Variants in LGR5 observed in about 807,000 individuals in gnomAD.
LGR5 encodes leucine rich repeat containing G protein-coupled receptor 5.
Under a neutral mutation model 76.7 loss-of-function variants are expected in LGR5, and 54 were observed. That is an observed-to-expected ratio of 0.70 (90% CI 0.57 to 0.88). The LOEUF (loss-of-function observed/expected upper bound fraction) is 0.88. LGR5 is among the 40% of genes least tolerant of loss of function. The pLI, the probability that LGR5 is intolerant of heterozygous loss-of-function variation, is 0.00. For synonymous variants in LGR5, 406 were observed against 421.9 expected, an observed-to-expected ratio of 0.96 and a Z score of 0.46; for missense variants, 1,078 against 1,073.3, an observed-to-expected ratio of 1.00 and a Z score of -0.06.
intron 2 of LGR5, among the ~76,000 whole-genome samples, chr12:71,518,542 T>G (rs930325261): frequency 6.6e-6 from 1 of 152,132 alleles, no homozygotes; most frequent in Non-Finnish European, 1.5e-5. Context: ...TAAAGACACA[T>G]GAATGCATAT....
rs527945249 is a variant in LGR5, at chr12:71,502,553, C to T, written c.213-2061C>T. 2.6e-5 allele frequency among the ~76,000 whole-genome samples: 4 copies of T among 152,118 alleles called. No homozygotes were observed. In the East Asian group the frequency reaches 7.7e-4, roughly 29 times the overall value. Reference sequence around the variant, plus strand: ...GTCACTCCCTTTTGATTGGAAATGGCTAATCATAGGGTCTCAAGCTATTAA... The same window carrying T: ...GTCACTCCCTTTTGATTGGAAATGGTTAATCATAGGGTCTCAAGCTATTAA... On this transcript the variant is annotated intron_variant, in intron 1 of 17. Coordinates refer to ENST00000266674, the MANE Select transcript of LGR5 (RefSeq NM_003667.4).
intron 13 of LGR5, among the ~76,000 whole-genome samples, chr12:71,576,563 T>G (rs1158361004): frequency 6.6e-6 from 1 of 152,152 alleles, no homozygotes; most frequent in East Asian, 1.9e-4. Flanking sequence ...GGATGCAGCC[T>G]GCAGGATCAG....
At chr12:71,549,285 G>A (rs1239654774) in intron 4 of LGR5, among the ~76,000 whole-genome samples, 2 of 118,780 alleles carry the variant, frequency 1.7e-5, no homozygotes, top group South Asian at 2.8e-4. Flanking sequence ...GTCGCCAGGG[G>A]CTGGGAGTGG....
chr12:71,476,842 A>G (rs1352607685), intron 1 of LGR5, among the ~76,000 whole-genome samples: 4 of 152,216 alleles, frequency 2.6e-5, no homozygotes, highest in African/African-American at 4.8e-5. Context: ...TCAGGTTGGC[A>G]TGGATTAGAA....
chr12:71,524,623 T>G, intron 3 of LGR5, 146 bp downstream of exon 3: 4 of 504,636 alleles, frequency 7.9e-6, no homozygotes, highest in Non-Finnish European at 1.4e-5. Flanking sequence ...ATTGGTACCA[T>G]ACAGCCATAT....
intron 4 of LGR5, among the ~76,000 whole-genome samples, chr12:71,550,258 C>G (rs1877410140): frequency 6.6e-6 from 1 of 151,280 alleles, no homozygotes; most frequent in Non-Finnish European, 1.5e-5. Flanking sequence ...TCAAGCAATT[C>G]TCGTGCCTCA....
chr12:71,520,620 G>GA (rs1374147793), intron 2 of LGR5, among the ~76,000 whole-genome samples: 3 of 145,956 alleles, frequency 2.1e-5, no homozygotes, highest in Non-Finnish European at 3.0e-5. Flanking sequence ...CACAAGAAGA[G>GA]AAAATCAAAC....
At position 71,504,610 on chromosome 12, in the gene LGR5, C is replaced by A. The variant is rs111572541; in HGVS notation, c.213-4C>A. The A allele has an allele frequency of 7.3e-5, 118 of 1,613,608 alleles. No homozygotes were observed. The highest frequency in any genetic ancestry group is 2.9e-4 in the East Asian group (13 of 44,884). On this transcript the variant is annotated splice_region_variant and splice_polypyrimidine_tract_variant and intron_variant, in intron 1 of 17. Coordinates refer to ENST00000266674, the MANE Select transcript of LGR5 (RefSeq NM_003667.4). ...CCTCACACGCTGTCTGTTTTCCCCC[C>A]CAGAGACCTCAGTATGAACAACATC...
intron 1 of LGR5, among the ~76,000 whole-genome samples, chr12:71,481,909 C>T (rs1465450875): frequency 6.6e-6 from 1 of 152,086 alleles, no homozygotes; most frequent in Non-Finnish European, 1.5e-5. Context: ...ACATAACAGA[C>T]ACTCAATGAC....
chr12:71,513,413 G>C (rs1875268739), intron 2 of LGR5, among the ~76,000 whole-genome samples: 1 of 152,060 alleles, frequency 6.6e-6, no homozygotes, highest in South Asian at 2.1e-4. Flanking sequence ...TTTAGGTCAG[G>C]GTTGCTCCTG....
chr12:71,514,018 G>C (rs577563962), intron 2 of LGR5, among the ~76,000 whole-genome samples: 3 of 152,090 alleles, frequency 2.0e-5, no homozygotes, highest in African/African-American at 7.2e-5. Flanking sequence ...AGAGTGGTGC[G>C]TACCTGTAGT....
At chr12:71,453,706 C>CTT in intron 1 of LGR5, among the ~76,000 whole-genome samples, 1 of 145,044 alleles carries the variant, frequency 6.9e-6, no homozygotes, top group Non-Finnish European at 1.5e-5. Flanking sequence ...AAATGTGTTT[C>CTT]TTTTTTTTTT....
intron 1 of LGR5, among the ~76,000 whole-genome samples, chr12:71,462,341 T>C (rs1872715647): frequency 6.6e-6 from 1 of 152,154 alleles, no homozygotes; most frequent in Non-Finnish European, 1.5e-5. Flanking sequence ...ATCTAGTGTC[T>C]TCATTAGCAG....
intron 1 of LGR5, among the ~76,000 whole-genome samples, chr12:71,494,095 C>A (rs1874204791): frequency 6.6e-6 from 1 of 150,618 alleles, no homozygotes; most frequent in Admixed American, 6.6e-5. Context: ...AGGCACCTGC[C>A]ACCATGCCCG....
rs536302625 is a variant in LGR5 at position 71,454,239 on chromosome 12, T to G, written c.212+13947T>G. On this transcript the variant is annotated intron_variant, in intron 1 of 17. Coordinates refer to ENST00000266674, the MANE Select transcript of LGR5 (RefSeq NM_003667.4). The stretch of plus-strand genomic sequence containing the variant: ...CAAGGGAAATCTCCTTATATCTTAC[T>G]ACGTGTAAAAAGATGATTCTGGAAT... 2.6e-5 allele frequency among the ~76,000 whole-genome samples: 4 copies of G among 152,332 alleles called. No individual in the cohort carries two copies. The South Asian group carries it at 8.3e-4, about 32-fold the overall frequency.
chr12:71,551,357 T>C (rs1351528205), intron 4 of LGR5, among the ~76,000 whole-genome samples: 1 of 152,264 alleles, frequency 6.6e-6, no homozygotes, highest in African/African-American at 2.4e-5. Flanking sequence ...AATTTTGGTT[T>C]GCAGGAGATT....
At chr12:71,484,673 G>C (rs1402245896) in intron 1 of LGR5, among the ~76,000 whole-genome samples, 2 of 152,206 alleles carry the variant, frequency 1.3e-5, no homozygotes, top group Non-Finnish European at 2.9e-5. Flanking sequence ...CTTTGGTTTT[G>C]TTGTGTTGAC....
chr12:71,446,058 A>G (rs962142699), intron 1 of LGR5, among the ~76,000 whole-genome samples: 1 of 152,048 alleles, frequency 6.6e-6, no homozygotes, highest in African/African-American at 2.4e-5. Flanking sequence ...GGCATTTTCC[A>G]CTTTATACCC....
rs752965639 is a variant in LGR5, at chr12:71,524,437, C to A, written c.316C>A (p.Pro106Thr). ...RLAGNALTYI[P>T]KGAFTGLYSL... is the part of the protein sequence containing the mutation. ...TGCGGGAAACGCTCTGACATACATTCCCAAGGGAGCATTCACTGGCCTTTA... is the reference window on the plus strand; with the variant it reads ...TGCGGGAAACGCTCTGACATACATTACCAAGGGAGCATTCACTGGCCTTTA... Residue 106 changes from proline (P) to threonine (T), a missense_variant, in exon 3 of 18, where the codon CCC becomes ACC. Physicochemically the swap from Pro to Thr is conservative, Grantham distance 38. Transcript: ENST00000266674. 1 of 1,613,292 alleles carries A rather than the reference C, an allele frequency of 6.2e-7. No individual in the cohort carries two copies. Among genetic ancestry groups the A allele is most frequent in the South Asian group, 1.1e-5 (1 of 91,038 alleles).
Sources: allele counts gnomAD v4.1 joint callset (sites outside exome capture counted in the v4.1 genomes callset), GRCh38; gene constraint gnomAD v4.1.1; transcripts MANE v1.5; gene names NCBI Gene and HGNC (gene_info 2026-07-23, HGNC 2026-07-21).